CA10: variants seen among roughly 807,000 people sequenced by gnomAD.
The protein encoded by CA10 is carbonic anhydrase 10 (inactive).
A neutral mutation model predicts 44.2 loss-of-function variants in CA10; 14 were observed. That is an observed-to-expected ratio of 0.32 (90% confidence interval 0.21 to 0.50). The LOEUF is 0.50. CA10 is among the 20% of genes least tolerant of loss of function. The pLI, the probability that CA10 is intolerant of heterozygous loss-of-function variation, is 0.99. For missense variants in CA10, 350 were observed against 409.7 expected (o/e 0.85, Z 1.26); for synonymous variants, 159 against 141.6 (o/e 1.12, Z -0.87).
intron 1 of CA10, among the ~76,000 whole-genome samples, chr17:52,152,998 T>G (rs1389844935): frequency 6.6e-6 from 1 of 152,158 alleles, no homozygotes; most frequent in Non-Finnish European, 1.5e-5. Flanking sequence ...CATACACATT[T>G]ATGATACCTA....
intron 3 of CA10, among the ~76,000 whole-genome samples, chr17:51,775,988 C>G (rs1160019200): frequency 6.6e-6 from 1 of 152,050 alleles, no homozygotes; most frequent in Non-Finnish European, 1.5e-5. Context: ...ATTGAGAATA[C>G]CCTAGGTGTT....
intron 3 of CA10, among the ~76,000 whole-genome samples, chr17:51,834,272 A>G (rs544113640): frequency 6.6e-6 from 1 of 152,334 alleles, no homozygotes; most frequent in African/African-American, 2.4e-5. Context: ...GCAACATATG[A>G]TGCATGCATG....
intron 3 of CA10, among the ~76,000 whole-genome samples, chr17:51,842,422 T>C (rs982386531): frequency 6.6e-6 from 1 of 152,120 alleles, no homozygotes; most frequent in Admixed American, 6.5e-5. Context: ...GCTGCAGAAA[T>C]GTAAAAATAT....
At chr17:51,660,951 A>G (rs989099640) in intron 4 of CA10, among the ~76,000 whole-genome samples, 1 of 152,018 alleles carries the variant, frequency 6.6e-6, no homozygotes, top group Non-Finnish European at 1.5e-5. Context: ...AAGGGAGGGA[A>G]TAAACTTCCC....
chr17:51,750,868 A>G (rs1904868216), intron 3 of CA10, among the ~76,000 whole-genome samples: 1 of 152,216 alleles, frequency 6.6e-6, no homozygotes, highest in Non-Finnish European at 1.5e-5. Flanking sequence ...ATGTCTGTCT[A>G]ATGTTCTCAA....
chr17:51,978,635 C>T lies in CA10; in HGVS notation c.137-47503G>A, dbSNP rs150508649. Among the ~76,000 whole-genome samples the T allele has an allele frequency of 1.4e-3, 207 of 152,064 alleles. 1 individual carries two copies. The Middle Eastern group carries it at 0.041, about 30-fold the overall frequency. ...TTGGTCTTAAGGTAGGCAATAATAT[C>T]TGAGGCAGAACACAATAGGCATTAA... On this transcript the variant is annotated intron_variant, in intron 2 of 8. Coordinates refer to ENST00000451037, the MANE Select transcript of CA10 (RefSeq NM_020178.5).
chr17:51,640,012 C>A (rs1337083500), intron 6 of CA10, among the ~76,000 whole-genome samples: 1 of 152,230 alleles, frequency 6.6e-6, no homozygotes, highest in Non-Finnish European at 1.5e-5. Flanking sequence ...TCCTCAAGGA[C>A]TCCCTGGCTT....
At chr17:52,074,694 G>A (rs1167659937) in intron 1 of CA10, among the ~76,000 whole-genome samples, 1 of 151,966 alleles carries the variant, frequency 6.6e-6, no homozygotes, top group African/African-American at 2.4e-5. Context: ...AAAATTTAAT[G>A]TAGTGCTTTA....
At chr17:51,756,839 T>C (rs767692082) in intron 3 of CA10, among the ~76,000 whole-genome samples, 17 of 152,132 alleles carry the variant, frequency 1.1e-4, no homozygotes, top group Non-Finnish European at 2.4e-4. Flanking sequence ...TAAAATATGA[T>C]GTCTGCATGG....
At chr17:51,936,055 G>T (rs915622663) in intron 2 of CA10, among the ~76,000 whole-genome samples, 1 of 152,120 alleles carries the variant, frequency 6.6e-6, no homozygotes, top group Admixed American at 6.6e-5. Context: ...AGTTTATACA[G>T]CTTATGTGAA....
At chr17:51,930,865 G>C (rs1982629226) in intron 3 of CA10, 125 bp downstream of exon 3, 1 of 1,111,406 alleles carries the variant, frequency 9.0e-7, no homozygotes, top group Middle Eastern at 2.1e-4. Flanking sequence ...CGGCAGGTCT[G>C]AAGTCTGTGG....
intron 2 of CA10, among the ~76,000 whole-genome samples, chr17:51,994,268 T>G (rs1488153753): frequency 6.6e-6 from 1 of 151,854 alleles, no homozygotes; most frequent in African/African-American, 2.4e-5. Flanking sequence ...TTTTTCCCCC[T>G]ATGACTTGGA....
chr17:52,071,692 T>C lies in CA10; in HGVS notation c.136+627A>G, dbSNP rs934959305. Among the ~76,000 whole-genome samples the C allele has an allele frequency of 5.9e-5, 9 of 152,264 alleles. No individual in the cohort carries two copies. In the East Asian group the frequency reaches 9.7e-4, roughly 16 times the overall value. On this transcript the variant is annotated intron_variant, in intron 2 of 8. Transcript: ENST00000451037. ...TCTATCCTTGCCTTTTGCTTGCTTT[T>C]TCTCTTGCCTCGCTTTACTAAAGCA... is the stretch of plus-strand genomic sequence containing the variant.
intron 1 of CA10, among the ~76,000 whole-genome samples, chr17:52,117,004 T>C (rs1248992350): frequency 1.3e-5 from 2 of 152,242 alleles, no homozygotes; most frequent in South Asian, 2.1e-4. Flanking sequence ...CTGCTTGGCA[T>C]GGCTAAAGTG....
chr17:51,964,803 T>C (rs1984021167), intron 2 of CA10, among the ~76,000 whole-genome samples: 1 of 151,758 alleles, frequency 6.6e-6, no homozygotes, highest in African/African-American at 2.4e-5. Context: ...CCTCAAAAAC[T>C]TAGATCTCAA....
chr17:52,008,700 T>A (rs978635175), intron 2 of CA10, among the ~76,000 whole-genome samples: 1 of 151,896 alleles, frequency 6.6e-6, no homozygotes, highest in Non-Finnish European at 1.5e-5. Context: ...CATGTAGATC[T>A]TAGATACATA....
intron 3 of CA10, among the ~76,000 whole-genome samples, chr17:51,825,554 T>C (rs996538406): frequency 4.6e-5 from 7 of 152,198 alleles, no homozygotes; most frequent in Admixed American, 4.6e-4. Flanking sequence ...AGCACGGACT[T>C]AACCCAGTTA....
At chr17:51,664,462 A>T (rs1363941574) in intron 4 of CA10, among the ~76,000 whole-genome samples, 1 of 152,076 alleles carries the variant, frequency 6.6e-6, no homozygotes, top group African/African-American at 2.4e-5. Context: ...AAGGGACATG[A>T]ACATCTCAAT....
chr17:52,030,841 CT>C (rs1374519270), intron 2 of CA10, among the ~76,000 whole-genome samples: 5 of 152,148 alleles, frequency 3.3e-5, no homozygotes, highest in African/African-American at 4.8e-5. Context: ...GCAGCAACCC[CT>C]TTCCCCACCT....
Sources: allele counts gnomAD v4.1 joint callset (sites outside exome capture counted in the v4.1 genomes callset), GRCh38; gene constraint gnomAD v4.1.1; transcripts MANE v1.5; gene names NCBI Gene and HGNC (gene_info 2026-07-23, HGNC 2026-07-21).